The following ERBB4 variants were observed in gnomAD, a reference collection of about 807,000 sequenced individuals.
The protein encoded by ERBB4 is erb-b2 receptor tyrosine kinase 4.
ERBB4 carries 42 observed loss-of-function variants against 158.0 expected under a neutral mutation model. That is an observed-to-expected ratio of 0.27 (90% CI 0.21 to 0.34). The LOEUF (loss-of-function observed/expected upper bound fraction) is 0.34, where lower values mean the gene tolerates loss of function less well. Among genes scored for constraint, ERBB4 ranks in the 10% least tolerant of loss-of-function variants. The probability of loss-of-function intolerance (pLI) is 1.00; values close to 1 mark genes in which losing one functional copy is unlikely to be tolerated. For synonymous variants in ERBB4, 583 were observed against 558.7 expected, an observed-to-expected ratio of 1.04 and a Z score of -0.61; for missense variants, 1,333 against 1,624.1, an observed-to-expected ratio of 0.82 and a Z score of 3.08.
intron 2 of ERBB4, among the ~76,000 whole-genome samples, chr2:212,050,170 T>C (rs2077363502): frequency 6.6e-6 from 1 of 152,118 alleles, no homozygotes; most frequent in African/African-American, 2.4e-5. Context: ...TTCCTTTCTA[T>C]GTACTCTCTG....
rs372082434 is a variant in ERBB4 at position 211,565,612 on chromosome 2, TC to T, written c.2302-3525del. On this transcript the variant is annotated intron_variant, in intron 19 of 27. Coordinates refer to ENST00000342788, the MANE Select transcript of ERBB4 (RefSeq NM_005235.3). ...CTTAAAGCTACTTGGGAGGACATTA[TC>T]CCCTTTAACCGTCCCTACTATTTTA... Among the ~76,000 whole-genome samples the T allele has an allele frequency of 2.6e-3, 391 of 152,254 alleles. 3 individuals are homozygous for T. Among genetic ancestry groups the T allele is most frequent in the African/African-American group, 8.9e-3 (370 of 41,548 alleles).
rs550827754 is a variant in ERBB4 at position 211,772,709 on chromosome 2, A to G, written c.556+15316T>C. ...CACCCAGGCTGGAGCACACTGGTAC[A>G]ATCATGGCTCACTTCAGTCTTGACC... On this transcript the variant is annotated intron_variant, in intron 4 of 27. Coordinates refer to ENST00000342788, the MANE Select transcript of ERBB4 (RefSeq NM_005235.3). Among the ~76,000 whole-genome samples the G allele has an allele frequency of 2.0e-5, 3 of 147,542 alleles. No homozygotes were observed. The East Asian group carries it at 6.0e-4, about 29-fold the overall frequency.
At chr2:212,325,469 A>G (rs552675030) in intron 1 of ERBB4, among the ~76,000 whole-genome samples, 19 of 150,878 alleles carry the variant, frequency 1.3e-4, no homozygotes, top group Non-Finnish European at 2.4e-4. Flanking sequence ...GAAATTGGTT[A>G]ATTGATTGCC....
At chr2:212,262,634 A>G (rs1403599928) in intron 1 of ERBB4, among the ~76,000 whole-genome samples, 1 of 152,182 alleles carries the variant, frequency 6.6e-6, no homozygotes, top group Non-Finnish European at 1.5e-5. Context: ...GGCTCTATAC[A>G]AAAGTGGCTT....
intron 1 of ERBB4, among the ~76,000 whole-genome samples, chr2:212,360,841 T>C (rs2089661105): frequency 6.6e-6 from 1 of 151,716 alleles, no homozygotes; most frequent in East Asian, 1.9e-4. Context: ...GACTGAGACT[T>C]ACTTAACTAT....
chr2:211,441,621 G>A (rs2063978321), intron 20 of ERBB4, among the ~76,000 whole-genome samples: 1 of 152,110 alleles, frequency 6.6e-6, no homozygotes, highest in Non-Finnish European at 1.5e-5. Context: ...AAGCTCCTGT[G>A]GAAATGCTGA....
At chr2:211,386,491 T>A (rs1259599531) in intron 27 of ERBB4, among the ~76,000 whole-genome samples, 1 of 152,162 alleles carries the variant, frequency 6.6e-6, no homozygotes, top group African/African-American at 2.4e-5. Flanking sequence ...CGCAATTAAG[T>A]CCAATAAAGC....
At chr2:211,453,419 G>A (rs534025877) in intron 20 of ERBB4, among the ~76,000 whole-genome samples, 3 of 152,034 alleles carry the variant, frequency 2.0e-5, no homozygotes, top group East Asian at 1.9e-4. Context: ...TTAAAACCCC[G>A]CTTTAAATTT....
At chr2:212,400,115 T>C (rs545896280) in intron 1 of ERBB4, among the ~76,000 whole-genome samples, 24 of 152,286 alleles carry the variant, frequency 1.6e-4, no homozygotes, top group African/African-American at 5.5e-4. Flanking sequence ...GATGTGTGGT[T>C]AGAAAGATGA....
intron 1 of ERBB4, among the ~76,000 whole-genome samples, chr2:212,443,351 T>C (rs116268025): frequency 0.012 from 1,804 of 152,318 alleles, 34 homozygotes; most frequent in African/African-American, 0.041. Flanking sequence ...GATGTTTGCA[T>C]ACCAGAGGAT....
chr2:212,239,421 G>T (rs2084002011), intron 1 of ERBB4, among the ~76,000 whole-genome samples: 1 of 152,082 alleles, frequency 6.6e-6, no homozygotes, highest in Non-Finnish European at 1.5e-5. Context: ...AATGTTACAT[G>T]GTACAATTTG....
chr2:212,254,348 G>C (rs1230164958), intron 1 of ERBB4, among the ~76,000 whole-genome samples: 2 of 152,114 alleles, frequency 1.3e-5, no homozygotes, highest in Non-Finnish European at 2.9e-5. Context: ...AATGCGGACA[G>C]CTATGTTGAA....
At chr2:211,776,143 A>G (rs1335943210) in intron 4 of ERBB4, among the ~76,000 whole-genome samples, 1 of 152,154 alleles carries the variant, frequency 6.6e-6, no homozygotes, top group African/African-American at 2.4e-5. Context: ...GGTCTTAGCT[A>G]TTGTGTCTTC....
intron 12 of ERBB4, among the ~76,000 whole-genome samples, chr2:211,693,623 G>A (rs567608242): frequency 6.6e-6 from 1 of 152,090 alleles, no homozygotes; most frequent in Admixed American, 6.6e-5. Context: ...TTTCCCAAAG[G>A]ATTTCCCACA....
chr2:212,159,229 C>T (rs2081130872), intron 1 of ERBB4, among the ~76,000 whole-genome samples: 1 of 149,886 alleles, frequency 6.7e-6, no homozygotes, highest in East Asian at 2.0e-4. Flanking sequence ...TAAGTGTTTG[C>T]TGTTTTAAGG....
intron 3 of ERBB4, 111 bp from the exon 4 acceptor site, chr2:211,788,270 G>T: frequency 2.7e-6 from 2 of 750,414 alleles, no homozygotes; most frequent in Non-Finnish European, 4.6e-6. Flanking sequence ...TTAGAGTCAT[G>T]TTGCTAATAG....
intron 12 of ERBB4, among the ~76,000 whole-genome samples, chr2:211,698,319 A>C (rs2073101463): frequency 6.6e-6 from 1 of 151,382 alleles, no homozygotes; most frequent in Admixed American, 6.6e-5. Context: ...TCTCAGAAAA[A>C]AAAAAAAAAA....
At chr2:211,696,259 C>T (rs569479577) in intron 12 of ERBB4, among the ~76,000 whole-genome samples, 108 of 151,496 alleles carry the variant, frequency 7.1e-4, no homozygotes, top group Admixed American at 1.2e-3. Flanking sequence ...TACAGGCATG[C>T]ACCACCACAC....
intron 2 of ERBB4, among the ~76,000 whole-genome samples, chr2:212,025,902 T>C (rs2076761872): frequency 6.6e-6 from 1 of 151,784 alleles, no homozygotes; most frequent in Admixed American, 6.6e-5. Context: ...ATATTTGCTA[T>C]ATCTTATGTG....
Sources: allele counts gnomAD v4.1 joint callset (sites outside exome capture counted in the v4.1 genomes callset), GRCh38; gene constraint gnomAD v4.1.1; transcripts MANE v1.5; gene names NCBI Gene and HGNC (gene_info 2026-07-23, HGNC 2026-07-21).